The following ATG16L2 variants were observed in gnomAD, a reference collection of about 807,000 sequenced individuals.
The protein encoded by ATG16L2 is autophagy related 16 like 2.
A neutral mutation model predicts 84.7 loss-of-function variants in ATG16L2; 77 were observed. That is an observed-to-expected ratio of 0.91 (90% CI 0.76 to 1.10). The LOEUF (loss-of-function observed/expected upper bound fraction) is 1.10, where lower values mean the gene tolerates loss of function less well. Ranked by LOEUF, ATG16L2 falls within the 50% of genes least tolerant of loss-of-function variation. The probability of loss-of-function intolerance (pLI) is 0.00; values close to 1 mark genes in which losing one functional copy is unlikely to be tolerated. For synonymous variants in ATG16L2, 361 were observed against 342.8 expected, an observed-to-expected ratio of 1.05 and a Z score of -0.59; for missense variants, 782 against 817.6, an observed-to-expected ratio of 0.96 and a Z score of 0.53.
At chr11:72,837,762 C>T (rs891347299) in intron 5 of ATG16L2, 1 of 152,254 alleles carries the variant, frequency 6.6e-6, no homozygotes, top group African/African-American at 2.4e-5. Flanking sequence ...ACGGAAATGT[C>T]AGGGTAGTGG....
exon 6 of ATG16L2, chr11:72,843,654 A>G (rs1175665516): frequency 1.3e-5 from 9 of 683,132 alleles, no homozygotes; most frequent in Non-Finnish European, 2.3e-5. Context: ...TGTTGAACAT[A>G]AAAATTTAAA....
At chr11:72,823,246 G>A (rs948708087) in intron 7 of ATG16L2, 2 of 388,540 alleles carry the variant, frequency 5.1e-6, no homozygotes, top group African/African-American at 4.1e-5. Flanking sequence ...GTCACCAGGA[G>A]AGAACCTGTG....
intron 5 of ATG16L2, chr11:72,841,000 T>A: frequency 6.8e-7 from 1 of 1,480,638 alleles, no homozygotes; most frequent in Non-Finnish European, 9.4e-7. Context: ...ACTTGAGTTG[T>A]TGAGCAATAA....
chr11:72,836,184 G>T, intron 5 of ATG16L2, among the ~76,000 whole-genome samples: 1 of 152,262 alleles, frequency 6.6e-6, no homozygotes, highest in East Asian at 1.9e-4. Context: ...CAAACAGGCT[G>T]TGTCCTGGTC....
downstream of ATG16L2, among the ~76,000 whole-genome samples, chr11:72,831,877 CAT>C (rs1025196498): frequency 6.6e-6 from 1 of 152,232 alleles, no homozygotes; most frequent in African/African-American, 2.4e-5. Context: ...CTGCATTACA[CAT>C]ACTCTTTTTA....
At chr11:72,823,453 G>A in intron 7 of ATG16L2, 1 of 356,574 alleles carries the variant, frequency 2.8e-6, no homozygotes, top group Non-Finnish European at 5.6e-6. Flanking sequence ...TTGGGTGCCT[G>A]TCCGCAGGGT....
chr11:72,841,306 G>A (rs1439117010), intron 5 of ATG16L2: 2 of 808,372 alleles, frequency 2.5e-6, no homozygotes, highest in Non-Finnish European at 3.7e-6. Flanking sequence ...ACTCCAGCCT[G>A]GGTGTCCAGC....
chr11:72,817,152 C>T (rs1859744035), intron 2 of ATG16L2, among the ~76,000 whole-genome samples: 1 of 152,128 alleles, frequency 6.6e-6, no homozygotes, highest in Non-Finnish European at 1.5e-5. Flanking sequence ...TGCCTGATGC[C>T]TAAAGAAAGG....
rs1355261239 is a variant in ATG16L2 at position 72,822,554 on chromosome 11, G to A, written c.710+11G>A. ...CGTGAGCATCAGCGAGTAAGAGTGGGGATGGGCCGGTCCGACCCTTGCGTT... is the reference window on the plus strand; with the variant it reads ...CGTGAGCATCAGCGAGTAAGAGTGGAGATGGGCCGGTCCGACCCTTGCGTT... On this transcript the variant is annotated intron_variant, in intron 6 of 17. Transcript: ENST00000321297. The surrounding 1 kb of genome is among the most constrained non-coding windows in gnomAD (Gnocchi z 4.2). 8 of 1,611,778 alleles carry A rather than the reference G, an allele frequency of 5.0e-6. No homozygotes were observed. In the African/African-American group the frequency reaches 1.1e-4, roughly 22 times the overall value.
At position 72,823,533 on chromosome 11, in the gene ATG16L2, C is replaced by A. The variant is rs1344673676; in HGVS notation, c.825-527C>A. 4 of 397,820 alleles carry A rather than the reference C, an allele frequency of 1.0e-5. No individual in the cohort carries two copies. The Admixed American group carries it at 1.3e-4, about 13-fold the overall frequency. 24.6% of individuals were successfully genotyped at this position (397,820 alleles called of 1,614,324 possible). A position where few individuals can be genotyped will look rare whatever the true frequency, so the allele number is the denominator to read the frequency against. On this transcript the variant is annotated intron_variant, in intron 7 of 17. Coordinates refer to ENST00000321297, the MANE Select transcript of ATG16L2 (RefSeq NM_033388.2). ...CTGGGCGCCATTCCCCAGCCTAACA[C>A]CTCTTCTCAGTCTTTCCTTGCAGGT...
chr11:72,825,385 C>CAG lies in ATG16L2; in HGVS notation c.1080_1081insAG (p.His361SerfsTer37). The CAG allele has an allele frequency of 1.1e-5, 18 of 1,612,762 alleles. No homozygotes were observed. The highest frequency in any genetic ancestry group is 1.5e-5 in the Non-Finnish European group (18 of 1,179,966). Reference sequence around the variant, plus strand: ...CCACTGGAGGGGCTGACCGCCTGATCCACCTCTGGAATGTTGTGGGAAGTA... The same window carrying CAG: ...CCACTGGAGGGGCTGACCGCCTGATCAGCACCTCTGGAATGTTGTGGGAAGTA... On this transcript the variant is annotated frameshift_variant, in exon 10 of 18. Transcript: ENST00000321297. LOFTEE classifies it high-confidence loss of function.
At chr11:72,839,363 A>T (rs1230513625) in intron 5 of ATG16L2, among the ~76,000 whole-genome samples, 1 of 152,208 alleles carries the variant, frequency 6.6e-6, no homozygotes, top group Non-Finnish European at 1.5e-5. Context: ...TTTTTGGTGG[A>T]TTTTAAGCAA....
At chr11:72,825,536 C>A in intron 10 of ATG16L2, 129 bp downstream of exon 10, 1 of 713,984 alleles carries the variant, frequency 1.4e-6, no homozygotes, top group Non-Finnish European at 2.4e-6. Flanking sequence ...TGGGCAGTGA[C>A]TAGACAATGC....
intron 9 of ATG16L2, 39 bp from the exon 10 acceptor site, chr11:72,825,263 C>G (rs200044683): frequency 7.1e-5 from 108 of 1,531,190 alleles, no homozygotes; most frequent in Non-Finnish European, 8.5e-5. Context: ...GAGACATGCG[C>G]GGGGAGGGCC....
At chr11:72,841,657 C>G in intron 5 of ATG16L2, 1 of 1,413,606 alleles carries the variant, frequency 7.1e-7, no homozygotes, top group Non-Finnish European at 9.4e-7. Flanking sequence ...TCTGACTGCT[C>G]TGTACTCATG....
At chr11:72,832,718 G>A (rs1591319829), downstream of ATG16L2, among the ~76,000 whole-genome samples, 1 of 152,172 alleles carries the variant, frequency 6.6e-6, no homozygotes. Flanking sequence ...CAGAGATGGG[G>A]CAGCTCCTTC....
intron 5 of ATG16L2, chr11:72,837,090 A>G (rs74669541): frequency 0.071 from 10,859 of 152,312 alleles, 525 homozygotes; most frequent in South Asian, 0.16. Context: ...GCTCTATTTA[A>G]TAAGCATTTG....
Position 72,814,536 on chromosome 11 carries a change from G to A in ATG16L2, c.91G>A (p.Ala31Thr). Residue 31 changes from alanine (A) to threonine (T), a missense_variant, in exon 1 of 18, where the codon GCG becomes ACG. Ala to Thr is a moderately conservative substitution (Grantham distance 58). Coordinates refer to ENST00000321297, the MANE Select transcript of ATG16L2 (RefSeq NM_033388.2). ...GCGGCTTCGGGACCGTACGCAAAAG[G>A]CGCTTTTCCTGGAGCTGGTGCCGGC... ...QLRLRDRTQKALFLELVPAYN... is the reference protein window; with the variant it reads ...QLRLRDRTQKTLFLELVPAYN... 1 of 1,577,378 alleles carries A rather than the reference G, an allele frequency of 6.3e-7. No homozygotes were observed. The highest frequency in any genetic ancestry group is 1.4e-5 in the African/African-American group (1 of 73,710).
chr11:72,834,933 G>C (rs770205461), intron 5 of ATG16L2, among the ~76,000 whole-genome samples: 32 of 152,200 alleles, frequency 2.1e-4, no homozygotes, highest in Non-Finnish European at 3.8e-4. Context: ...AGAGGGAAAG[G>C]TCTTCCATCA....
Sources: gnomAD v4.1 joint callset for allele counts (sites outside exome capture counted in the v4.1 genomes callset) on GRCh38, gnomAD v4.1.1 for gene constraint, Gnocchi (gnomAD v3.1) non-coding constraint, MANE v1.5 for transcripts, NCBI Gene and HGNC (gene_info 2026-07-23, HGNC 2026-07-21) for gene names.